Variants in ZNF536 observed in about 807,000 individuals in gnomAD.
The protein encoded by ZNF536 is zinc finger protein 536.
ZNF536 carries 13 observed loss-of-function variants against 84.5 expected under a neutral mutation model. The observed-to-expected ratio is 0.15, with a 90% CI of 0.10 to 0.24. The LOEUF (loss-of-function observed/expected upper bound fraction) is 0.24. ZNF536 is among the 10% of genes least tolerant of loss of function. ZNF536 has a pLI of 1.00. For missense variants in ZNF536, 1,536 were observed against 1,747.5 expected, an observed-to-expected ratio of 0.88 and a Z score of 2.16; for synonymous variants, 811 against 742.5, an observed-to-expected ratio of 1.09 and a Z score of -1.50.
At chr19:30,694,892 G>A (rs981165446) in intron 1 of ZNF536, among the ~76,000 whole-genome samples, 9 of 152,194 alleles carry the variant, frequency 5.9e-5, no homozygotes, top group African/African-American at 2.2e-4. Context: ...TGGAGGGCAA[G>A]AGTGAGGAGG....
At chr19:30,624,979 A>G (rs1285843660) in intron 1 of ZNF536, among the ~76,000 whole-genome samples, 1 of 152,124 alleles carries the variant, frequency 6.6e-6, no homozygotes, top group Admixed American at 6.5e-5. Flanking sequence ...TTCTGCCATG[A>G]TTGTAAGTTT....
At chr19:30,429,313 C>A (rs1329936663) in intron 1 of ZNF536, among the ~76,000 whole-genome samples, 3 of 152,164 alleles carry the variant, frequency 2.0e-5, no homozygotes, top group Non-Finnish European at 2.9e-5. Flanking sequence ...AGAGAGGATG[C>A]CTTAGCTGCC....
chr19:30,559,801 G>C (rs1452089887), downstream of ZNF536, among the ~76,000 whole-genome samples: 1 of 152,172 alleles, frequency 6.6e-6, no homozygotes, highest in East Asian at 1.9e-4. Context: ...GGCGTCTGCT[G>C]TTCTCTCTTC....
At position 30,651,363 on chromosome 19, in the gene ZNF536, C is replaced by T. The variant is rs149838824; in HGVS notation, c.170-59394C>T. Among the ~76,000 whole-genome samples, 929 of 152,314 alleles carry T rather than the reference C, an allele frequency of 6.1e-3. 4 individuals are homozygous for T. Among genetic ancestry groups the T allele is most frequent in the South Asian group, 0.024 (114 of 4,824 alleles). ...AAGATTTGACGTTACTTCTCTGGTC[C>T]TTAACTTTGTTTACCCAGCTGCTAT... On this transcript the variant is annotated intron_variant, in intron 1 of 1. Coordinates refer to the ZNF536 transcript ENST00000592773.
intron 1 of ZNF536, among the ~76,000 whole-genome samples, chr19:30,575,147 T>G (rs779387720): frequency 6.6e-6 from 1 of 152,158 alleles, no homozygotes. Flanking sequence ...CATTCATTCA[T>G]TCATTCAGCA....
intron 2 of ZNF536, among the ~76,000 whole-genome samples, chr19:30,351,823 G>A (rs929059032): frequency 6.6e-6 from 1 of 152,176 alleles, no homozygotes; most frequent in Non-Finnish European, 1.5e-5. Context: ...CTTGGTAAAT[G>A]GTAAGTTTGA....
chr19:30,619,352 A>G (rs2048404130), intron 1 of ZNF536, among the ~76,000 whole-genome samples: 1 of 152,130 alleles, frequency 6.6e-6, no homozygotes, highest in Non-Finnish European at 1.5e-5. Flanking sequence ...CTAATTTGAG[A>G]GTAACTTAGG....
At chr19:30,538,405 G>A (rs898553075) in intron 3 of ZNF536, among the ~76,000 whole-genome samples, 3 of 152,194 alleles carry the variant, frequency 2.0e-5, no homozygotes, top group Admixed American at 1.3e-4. Flanking sequence ...TTTATTGGAA[G>A]TCTCGATCAT....
chr19:30,263,078 AAAGGCAGTGAGCCCCGAG>A (rs1265471645), intron 1 of ZNF536, among the ~76,000 whole-genome samples: 1 of 152,138 alleles, frequency 6.6e-6, no homozygotes, highest in East Asian at 1.9e-4. Context: ...CTAGGTGAGC[AAAGGCAGTGAGCCCCGAG>A]AAGGAGGTGG....
intron 1 of ZNF536, among the ~76,000 whole-genome samples, chr19:30,704,921 G>C (rs2052162123): frequency 7.1e-6 from 1 of 140,730 alleles, no homozygotes; most frequent in African/African-American, 2.6e-5. Context: ...GCAGAGCTCA[G>C]CACTTTTTTT....
intron 1 of ZNF536, among the ~76,000 whole-genome samples, chr19:30,416,635 G>A (rs539831589): frequency 6.6e-6 from 1 of 152,094 alleles, no homozygotes; most frequent in African/African-American, 2.4e-5. Context: ...AAGAGGGCAG[G>A]CTTTCTCTCT....
intron 3 of ZNF536, among the ~76,000 whole-genome samples, chr19:30,364,391 G>A (rs1304210183): frequency 6.6e-6 from 1 of 152,192 alleles, no homozygotes; most frequent in African/African-American, 2.4e-5. Flanking sequence ...GCTGGGCATG[G>A]TGGCGTGCAC....
chr19:30,676,838 T>G (rs1392137638), intron 1 of ZNF536, among the ~76,000 whole-genome samples: 2 of 152,218 alleles, frequency 1.3e-5, no homozygotes, highest in African/African-American at 4.8e-5. Flanking sequence ...TGGGAGTATC[T>G]TCTCAAAAGT....
intron 1 of ZNF536, among the ~76,000 whole-genome samples, chr19:30,567,681 G>A (rs537993878): frequency 6.6e-6 from 1 of 152,238 alleles, no homozygotes; most frequent in South Asian, 2.1e-4. Context: ...CCCCAACCGC[G>A]ACAGCAGCGG....
chr19:30,697,730 A>C (rs1600302689), intron 1 of ZNF536, among the ~76,000 whole-genome samples: 3 of 152,340 alleles, frequency 2.0e-5, no homozygotes, highest in African/African-American at 7.2e-5. Flanking sequence ...GCATGCTAGC[A>C]GGGCAGTGGC....
chr19:30,313,186 C>T (rs1429443794), intron 2 of ZNF536, among the ~76,000 whole-genome samples: 1 of 152,344 alleles, frequency 6.6e-6, no homozygotes, highest in East Asian at 1.9e-4. Flanking sequence ...CAGCCCGAGG[C>T]TTGGACAGAG....
At chr19:30,492,015 T>A (rs1397336080) in intron 2 of ZNF536, among the ~76,000 whole-genome samples, 2 of 151,914 alleles carry the variant, frequency 1.3e-5, no homozygotes, top group Non-Finnish European at 2.9e-5. Flanking sequence ...TTTGTCTAAG[T>A]CTATCTTCCT....
chr19:30,383,681 TTCC>T, intron 1 of ZNF536, among the ~76,000 whole-genome samples: 1 of 12,864 alleles, frequency 7.8e-5, no homozygotes, highest in African/African-American at 3.3e-4. Flanking sequence ...TCTTCCTTTC[TTCC>T]TTCCTTTCTT....
At chr19:30,464,823 T>C (rs1454009906) in intron 2 of ZNF536, among the ~76,000 whole-genome samples, 2 of 151,898 alleles carry the variant, frequency 1.3e-5, no homozygotes, top group African/African-American at 4.8e-5. Flanking sequence ...GTGGGGCTCC[T>C]CCTCCTGCCC....
Sources: allele counts gnomAD v4.1 joint callset (sites outside exome capture counted in the v4.1 genomes callset), GRCh38; gene constraint gnomAD v4.1.1; transcripts MANE v1.5; gene names NCBI Gene and HGNC (gene_info 2026-07-23, HGNC 2026-07-21).